AFG2A: variants seen among roughly 807,000 people sequenced by gnomAD.
AFG2A encodes ATPase family gene 2 protein homolog A.
At chr4:123,215,318 A>G in the AFG2A span, among the ~76,000 whole-genome samples, 1,115 of 152,186 alleles carry the variant, frequency 7.3e-3, 26 homozygotes, top group South Asian at 0.086. Context: ...TGCTAATTGT[A>G]TGACTTGGGG....
chr4:123,139,069 T>C, the AFG2A span, among the ~76,000 whole-genome samples: 1 of 152,140 alleles, frequency 6.6e-6, no homozygotes, highest in Non-Finnish European at 1.5e-5. Context: ...ATCTGTTTCT[T>C]CTGTAACTTT....
the AFG2A span, among the ~76,000 whole-genome samples, chr4:123,010,168 C>T: frequency 1.3e-5 from 2 of 152,164 alleles, no homozygotes; most frequent in African/African-American, 4.8e-5. Context: ...GCCTCTCTTC[C>T]TTCTACAAGC....
the AFG2A span, among the ~76,000 whole-genome samples, chr4:123,127,736 G>A: frequency 6.6e-6 from 1 of 151,862 alleles, no homozygotes; most frequent in African/African-American, 2.4e-5. Context: ...TAACTTTTAT[G>A]GAATACCTTT....
chr4:123,228,555 G>A, the AFG2A span, among the ~76,000 whole-genome samples: 5 of 151,886 alleles, frequency 3.3e-5, no homozygotes, highest in Admixed American at 6.6e-5. Flanking sequence ...CAGATTATTC[G>A]GAATACTAAT....
the AFG2A span, among the ~76,000 whole-genome samples, chr4:123,063,741 CT>C: frequency 2.0e-5 from 3 of 146,438 alleles, no homozygotes; most frequent in South Asian, 6.4e-4. Context: ...GCGAGACTGT[CT>C]CAAAAAAAAA....
At chr4:123,225,508 A>T in the AFG2A span, among the ~76,000 whole-genome samples, 1 of 152,242 alleles carries the variant, frequency 6.6e-6, no homozygotes, top group African/African-American at 2.4e-5. Context: ...TTTGTCAAAG[A>T]TCAGATAGTT....
At chr4:123,066,982 G>A in the AFG2A span, among the ~76,000 whole-genome samples, 7 of 152,296 alleles carry the variant, frequency 4.6e-5, no homozygotes, top group Non-Finnish European at 1.0e-4. Context: ...GGCATGAGAT[G>A]AGTTTCCTTA....
At chr4:122,923,371 G>A in the AFG2A span, 1 of 1,597,084 alleles carries the variant, frequency 6.3e-7, no homozygotes, top group Non-Finnish European at 8.5e-7. Context: ...GAGACTCAGT[G>A]ATACTGACTT....
chr4:123,306,564 T>C, the AFG2A span, among the ~76,000 whole-genome samples: 1 of 152,116 alleles, frequency 6.6e-6, no homozygotes, highest in Admixed American at 6.5e-5. Context: ...TTTTTTCTTT[T>C]TTTTTTCTGA....
At chr4:123,016,636 G>C in the AFG2A span, among the ~76,000 whole-genome samples, 1 of 151,140 alleles carries the variant, frequency 6.6e-6, no homozygotes, top group Non-Finnish European at 1.5e-5. Context: ...TCACTTTCCA[G>C]ACTGGGTAGC....
the AFG2A span, among the ~76,000 whole-genome samples, chr4:123,005,841 G>C: frequency 1.3e-5 from 2 of 152,032 alleles, no homozygotes; most frequent in Non-Finnish European, 2.9e-5. Context: ...TTGTGCTATT[G>C]TTGTCATATG....
the AFG2A span, among the ~76,000 whole-genome samples, chr4:123,081,827 T>C: frequency 6.6e-6 from 1 of 152,122 alleles, no homozygotes; most frequent in East Asian, 1.9e-4. Flanking sequence ...CTTTCCTGAT[T>C]TTGGCCATTC....
the AFG2A span, among the ~76,000 whole-genome samples, chr4:123,180,978 C>CTTT: frequency 4.6e-4 from 55 of 118,362 alleles, 2 homozygotes; most frequent in East Asian, 1.7e-3. Context: ...TCCTCCCCCT[C>CTTT]TTTTTTTTTT....
the AFG2A span, among the ~76,000 whole-genome samples, chr4:123,179,019 C>T: frequency 6.6e-6 from 1 of 152,190 alleles, no homozygotes; most frequent in African/African-American, 2.4e-5. Context: ...ATTGTACATG[C>T]ACATGCAGCC....
chr4:123,161,980 G>A, the AFG2A span, among the ~76,000 whole-genome samples: 10 of 151,956 alleles, frequency 6.6e-5, no homozygotes, highest in African/African-American at 2.4e-4. Context: ...CGGGGAGGGA[G>A]GGATGAGGGT....
chr4:123,268,544 A>C, the AFG2A span, among the ~76,000 whole-genome samples: 4 of 152,188 alleles, frequency 2.6e-5, no homozygotes, highest in Non-Finnish European at 4.4e-5. Context: ...TCACATTCAA[A>C]GGACTAAAAA....
the AFG2A span, among the ~76,000 whole-genome samples, chr4:123,208,003 A>T: frequency 6.6e-6 from 1 of 152,188 alleles, no homozygotes; most frequent in Non-Finnish European, 1.5e-5. Flanking sequence ...CAGCTGAAGG[A>T]CTTTCACTTT....
the AFG2A span, among the ~76,000 whole-genome samples, chr4:123,118,110 G>A: frequency 6.7e-6 from 1 of 149,906 alleles, no homozygotes; most frequent in South Asian, 2.1e-4. Flanking sequence ...ATTTTGAATT[G>A]GTAACATATG....
At chr4:123,061,322 G>T in the AFG2A span, among the ~76,000 whole-genome samples, 2 of 152,114 alleles carry the variant, frequency 1.3e-5, no homozygotes, top group African/African-American at 2.4e-5. Context: ...CAGTTTACTG[G>T]ATTAGTCCAT....
Sources: gnomAD v4.1 joint callset for allele counts (sites outside exome capture counted in the v4.1 genomes callset) on GRCh38, gnomAD v4.1.1 for gene constraint, MANE v1.5 for transcripts, NCBI Gene and HGNC (gene_info 2026-07-23, HGNC 2026-07-21) for gene names.